PSPC1: variants seen among roughly 807,000 people sequenced by gnomAD.
PSPC1 encodes the protein paraspeckle component 1.
Under a neutral mutation model 51.6 loss-of-function variants are expected in PSPC1, and 14 were observed. That is an observed-to-expected ratio of 0.27 (90% CI 0.18 to 0.42). The LOEUF (loss-of-function observed/expected upper bound fraction) is 0.42, where lower values mean the gene tolerates loss of function less well. Among genes scored for constraint, PSPC1 ranks in the 10% least tolerant of loss-of-function variants. The pLI is 1.00. For synonymous variants in PSPC1, 193 were observed against 231.9 expected, an observed-to-expected ratio of 0.83 and a Z score of 1.53; for missense variants, 406 against 701.1, an observed-to-expected ratio of 0.58 and a Z score of 4.75.
intron 6 of PSPC1, among the ~76,000 whole-genome samples, chr13:19,696,125 G>A (rs1202868032): frequency 2.6e-5 from 4 of 152,088 alleles, no homozygotes; most frequent in Non-Finnish European, 5.9e-5. Flanking sequence ...ACCCATTTAT[G>A]TTCACAAAAA....
At chr13:19,741,206 C>CA (rs1428039605) in intron 5 of PSPC1, among the ~76,000 whole-genome samples, 2 of 152,050 alleles carry the variant, frequency 1.3e-5, no homozygotes, top group Non-Finnish European at 2.9e-5. Flanking sequence ...ATCAGAAGCA[C>CA]AAAGTTACAT....
intron 6 of PSPC1, among the ~76,000 whole-genome samples, chr13:19,724,816 T>G (rs980768203): frequency 6.6e-6 from 1 of 152,048 alleles, no homozygotes; most frequent in Non-Finnish European, 1.5e-5. Context: ...CTGGCCAACA[T>G]GGTGAAACCA....
At chr13:19,778,675 C>T (rs1889497472) in intron 1 of PSPC1, among the ~76,000 whole-genome samples, 1 of 135,950 alleles carries the variant, frequency 7.4e-6, no homozygotes, top group Non-Finnish European at 1.6e-5. Context: ...ACTCAGTGCT[C>T]AATGGTGCCC....
chr13:19,742,943 T>C (rs1885585387), intron 4 of PSPC1, among the ~76,000 whole-genome samples: 1 of 151,932 alleles, frequency 6.6e-6, no homozygotes, highest in Non-Finnish European at 1.5e-5. Context: ...GAGGAGACAA[T>C]TCTTCAAAGA....
chr13:19,768,251 TAAAAG>T (rs1445537135), intron 2 of PSPC1, among the ~76,000 whole-genome samples: 1 of 150,210 alleles, frequency 6.7e-6, no homozygotes, highest in Non-Finnish European at 1.5e-5. Flanking sequence ...TAAATAAAAA[TAAAAG>T]AAAATTTAAA....
chr13:19,701,735 A>C (rs1023053238), downstream of PSPC1, among the ~76,000 whole-genome samples: 1 of 152,310 alleles, frequency 6.6e-6, no homozygotes, highest in African/African-American at 2.4e-5. Context: ...CTATTTACAT[A>C]GTGTTTATTT....
At position 19,750,636 on chromosome 13, in the gene PSPC1, C is replaced by A. The variant is rs375264327; in HGVS notation, c.967+635G>T. 2.2e-4 allele frequency among the ~76,000 whole-genome samples: 34 copies of A among 152,118 alleles called. 1 individual carries two copies. In the East Asian group the frequency reaches 6.4e-3, roughly 29 times the overall value. ...AATTCTTCTCATCAAACAAAAAATC[C>A]TGTATGTGCCATGTCTACCTACCAA... On this transcript the variant is annotated intron_variant, in intron 4 of 8. Transcript: ENST00000338910.
intron 6 of PSPC1, among the ~76,000 whole-genome samples, chr13:19,721,242 T>C (rs911519778): frequency 3.3e-5 from 5 of 150,602 alleles, no homozygotes; most frequent in Non-Finnish European, 7.4e-5. Context: ...TAAATTTTTA[T>C]GCCTTCTGAG....
intron 3 of PSPC1, among the ~76,000 whole-genome samples, chr13:19,752,392 T>C (rs1385447463): frequency 1.3e-5 from 2 of 152,124 alleles, no homozygotes; most frequent in Non-Finnish European, 2.9e-5. Context: ...GCTATGAATA[T>C]ATTTGAAAGT....
intron 2 of PSPC1, among the ~76,000 whole-genome samples, chr13:19,770,751 T>C (rs1888546641): frequency 6.7e-6 from 1 of 150,126 alleles, no homozygotes; most frequent in Non-Finnish European, 1.5e-5. Flanking sequence ...TACAAAAGAT[T>C]AGCCAGGCAT....
At chr13:19,700,491 AT>A (rs1287124834), downstream of PSPC1, among the ~76,000 whole-genome samples, 5 of 152,156 alleles carry the variant, frequency 3.3e-5, no homozygotes, top group Non-Finnish European at 7.4e-5. Flanking sequence ...AGCAAATTGA[AT>A]TTTGCAAAAA....
intron 6 of PSPC1, among the ~76,000 whole-genome samples, chr13:19,723,949 C>A (rs1883068079): frequency 6.6e-6 from 1 of 152,166 alleles, no homozygotes; most frequent in South Asian, 2.1e-4. Flanking sequence ...TGGGACTAGG[C>A]CATCATTATA....
chr13:19,747,305 G>T (rs1479489922), intron 4 of PSPC1, among the ~76,000 whole-genome samples: 3 of 152,124 alleles, frequency 2.0e-5, no homozygotes, highest in African/African-American at 7.2e-5. Context: ...ATATATTCAT[G>T]TAGAAAGTAA....
chr13:19,747,649 G>A lies in PSPC1; in HGVS notation c.967+3622C>T, dbSNP rs563341159. Among the ~76,000 whole-genome samples the A allele has an allele frequency of 4.8e-3, 728 of 152,190 alleles. 8 individuals carry two copies. The highest frequency in any genetic ancestry group is 0.017 in the African/African-American group (707 of 41,542). ...CCCAGCCAGTTTGTTTTGTTGTTAC[G>A]ATTTTTGGGTTTTTTGCTTACAAAT... On this transcript the variant is annotated intron_variant, in intron 4 of 8. Transcript: ENST00000338910.
At chr13:19,738,093 A>C (rs1885034889) in intron 5 of PSPC1, among the ~76,000 whole-genome samples, 1 of 152,182 alleles carries the variant, frequency 6.6e-6, no homozygotes, top group African/African-American at 2.4e-5. Flanking sequence ...TTGTCTCTTA[A>C]ATAATTTTTT....
At chr13:19,681,025 G>A (rs190615117) in intron 6 of PSPC1, among the ~76,000 whole-genome samples, 101 of 152,220 alleles carry the variant, frequency 6.6e-4, no homozygotes, top group African/African-American at 2.4e-3. Flanking sequence ...TGAGACCAGC[G>A]TGGGCAACAT....
intron 6 of PSPC1, among the ~76,000 whole-genome samples, chr13:19,683,422 C>T (rs1877508290): frequency 1.3e-5 from 2 of 152,162 alleles, no homozygotes; most frequent in South Asian, 2.1e-4. Flanking sequence ...AAAAAGAGTA[C>T]ATATTGTACC....
intron 6 of PSPC1, among the ~76,000 whole-genome samples, chr13:19,727,569 A>C (rs1315786438): frequency 1.3e-5 from 2 of 152,204 alleles, no homozygotes; most frequent in Non-Finnish European, 2.9e-5. Context: ...TTTTCCCAAG[A>C]AGCAATGTTT....
intron 4 of PSPC1, among the ~76,000 whole-genome samples, chr13:19,751,049 G>A (rs150606343): frequency 0.011 from 1,608 of 151,918 alleles, 12 homozygotes; most frequent in Non-Finnish European, 0.014. Flanking sequence ...GATTACAGGC[G>A]TGAGCCACCG....
Sources: allele counts gnomAD v4.1 joint callset (sites outside exome capture counted in the v4.1 genomes callset), GRCh38; gene constraint gnomAD v4.1.1; transcripts MANE v1.5; gene names NCBI Gene and HGNC (gene_info 2026-07-23, HGNC 2026-07-21).